Variants in HECW2 observed in about 807,000 individuals in gnomAD.
HECW2 encodes HECT, C2 and WW domain containing E3 ubiquitin protein ligase 2, also known as E3 ubiquitin-protein ligase HECW2.
HECW2 carries 61 observed loss-of-function variants against 175.2 expected under a neutral mutation model. The ratio of observed to expected loss-of-function variants is 0.35; its 90% CI spans 0.28 to 0.43. The LOEUF (loss-of-function observed/expected upper bound fraction) is 0.43, where lower values mean the gene tolerates loss of function less well. Among genes scored for constraint, HECW2 ranks in the 20% least tolerant of loss-of-function variants. The probability of loss-of-function intolerance (pLI) is 1.00; values close to 1 mark genes in which losing one functional copy is unlikely to be tolerated. For missense variants in HECW2, 1,524 were observed against 2,000.5 expected (o/e 0.76, Z 4.54); for synonymous variants, 671 against 731.0 (o/e 0.92, Z 1.32).
rs1365411966 is a variant in HECW2, at chr2:196,292,700, G to A, written c.2865C>T (p.Thr955=). The A allele has an allele frequency of 6.2e-7, 1 of 1,613,950 alleles. No homozygotes were observed. The highest frequency in any genetic ancestry group is 8.5e-7 in the Non-Finnish European group (1 of 1,179,942). The change falls in exon 14 of 29, where the codon ACC becomes ACT. Residue 955 remains threonine (T), a synonymous_variant. Transcript: ENST00000644978. ...AGTGGTGGGTGTCCCTCCGGACTTT[G>A]GTGATCATGTGCTTCAAACACGTGT... The part of the protein sequence containing the change: ...TNNTCLKHMI[T]KVRRDTHHFE...
intron 2 of HECW2, chr2:196,362,227 T>C: frequency 1.0e-6 from 1 of 984,434 alleles, no homozygotes; most frequent in Non-Finnish European, 1.2e-6. Flanking sequence ...GCCACACCCC[T>C]GTAAAGGGTA....
intron 19 of HECW2, among the ~76,000 whole-genome samples, chr2:196,243,689 C>T (rs1033073531): frequency 1.3e-5 from 2 of 152,018 alleles, no homozygotes; most frequent in Admixed American, 6.6e-5. Context: ...AAGCGATTCT[C>T]CTGCCTCAGC....
intron 1 of HECW2, among the ~76,000 whole-genome samples, chr2:196,472,085 T>C (rs1697222662): frequency 6.6e-6 from 1 of 151,806 alleles, no homozygotes; most frequent in Admixed American, 6.6e-5. Context: ...TGGGAATGAA[T>C]GAACTAGATT....
At chr2:196,265,017 G>A (rs1689453376) in intron 17 of HECW2, among the ~76,000 whole-genome samples, 1 of 152,142 alleles carries the variant, frequency 6.6e-6, no homozygotes, top group Middle Eastern at 3.4e-3. Context: ...TGATATTTTG[G>A]CCCTCAGTAA....
chr2:196,301,416 TG>T (rs972182711), intron 13 of HECW2, among the ~76,000 whole-genome samples: 1 of 152,148 alleles, frequency 6.6e-6, no homozygotes, highest in Non-Finnish European at 1.5e-5. Context: ...CTGGGTCAAG[TG>T]GTATTTCTGG....
intron 1 of HECW2, among the ~76,000 whole-genome samples, chr2:196,504,778 T>C (rs913028401): frequency 6.6e-6 from 1 of 151,188 alleles, no homozygotes; most frequent in Non-Finnish European, 1.5e-5. Flanking sequence ...AGGGGAGGAG[T>C]TTTTGAACAT....
intron 1 of HECW2, among the ~76,000 whole-genome samples, chr2:196,500,327 T>C (rs2125401132): frequency 6.6e-6 from 1 of 152,288 alleles, no homozygotes. Context: ...ATCCAGACAC[T>C]GTAAGCATTA....
chr2:196,376,140 C>A (rs1270337961), intron 2 of HECW2, among the ~76,000 whole-genome samples: 1 of 152,172 alleles, frequency 6.6e-6, no homozygotes, highest in African/African-American at 2.4e-5. Context: ...GCTTTTATTA[C>A]CCTCAAACTT....
At chr2:196,506,711 C>A (rs1224366978) in intron 1 of HECW2, among the ~76,000 whole-genome samples, 1 of 151,728 alleles carries the variant, frequency 6.6e-6, no homozygotes, top group African/African-American at 2.4e-5. Context: ...AAATGTATTA[C>A]TATCATAAAT....
intron 1 of HECW2, among the ~76,000 whole-genome samples, chr2:196,437,466 G>T (rs1695910905): frequency 6.6e-6 from 1 of 151,870 alleles, no homozygotes; most frequent in Non-Finnish European, 1.5e-5. Flanking sequence ...ACAAAAATTA[G>T]CTGGGCATGG....
Position 196,214,167 on chromosome 2 carries a change from A to T in HECW2, c.4607+1698T>A, listed in dbSNP as rs187204997. On this transcript the variant is annotated intron_variant, in intron 28 of 28. Transcript: ENST00000644978. The stretch of plus-strand genomic sequence containing the variant: ...TTTCAAATCCACCAGATAGATGAGG[A>T]AACAGAGGCTCAGAAGGATCATGCA... 3.3e-4 allele frequency among the ~76,000 whole-genome samples: 50 copies of T among 152,304 alleles called. 2 individuals carry two copies. The East Asian group carries it at 9.4e-3, about 29-fold the overall frequency.
chr2:196,275,412 T>C (rs931296696), intron 15 of HECW2, among the ~76,000 whole-genome samples: 3 of 152,244 alleles, frequency 2.0e-5, no homozygotes, highest in African/African-American at 7.2e-5. Flanking sequence ...TTCATATTTT[T>C]ATTCATTTGT....
chr2:196,349,520 CGT>C (rs59562899), intron 2 of HECW2, among the ~76,000 whole-genome samples: 2 of 150,826 alleles, frequency 1.3e-5, no homozygotes, highest in African/African-American at 4.9e-5. Flanking sequence ...AAAAGTGAAA[CGT>C]GTGTGTGTGT....
intron 1 of HECW2, among the ~76,000 whole-genome samples, chr2:196,464,192 T>C (rs1696857016): frequency 6.6e-6 from 1 of 152,168 alleles, no homozygotes; most frequent in African/African-American, 2.4e-5. Flanking sequence ...AGAAAGCATA[T>C]GCTGCCACTT....
At chr2:196,404,219 G>GT (rs1338542454) in intron 2 of HECW2, among the ~76,000 whole-genome samples, 1 of 152,110 alleles carries the variant, frequency 6.6e-6, no homozygotes, top group Non-Finnish European at 1.5e-5. Context: ...GAGACTGGGC[G>GT]TAAGTCCCAT....
intron 2 of HECW2, chr2:196,361,807 C>G: frequency 4.1e-6 from 4 of 985,294 alleles, no homozygotes; most frequent in Non-Finnish European, 4.8e-6. Context: ...TTTCCAATAT[C>G]TTACCTCATA....
At chr2:196,545,050 C>CA (rs1689365421) in intron 1 of HECW2, among the ~76,000 whole-genome samples, 1 of 152,180 alleles carries the variant, frequency 6.6e-6, no homozygotes, top group Admixed American at 6.5e-5. Context: ...TGTGATCACA[C>CA]ATACCCAAAC....
rs1471300593 is a variant in HECW2 at position 196,334,418 on chromosome 2, A to G, written c.495+6T>C. The stretch of plus-strand genomic sequence containing the variant: ...CACAAGGAAGCTGGCAGCGAGGGGC[A>G]CTCACCATCACAGCTGGGTTCTTCA... On this transcript the variant is annotated splice_donor_region_variant and intron_variant, in intron 4 of 28. Transcript: ENST00000644978. 6.2e-7 allele frequency: 1 copy of G among 1,601,232 alleles called. No homozygotes were observed.
chr2:196,556,801 A>G (rs539411460), intron 1 of HECW2, among the ~76,000 whole-genome samples: 62 of 152,328 alleles, frequency 4.1e-4, no homozygotes, highest in African/African-American at 1.3e-3. Context: ...GAAGAAAAAG[A>G]AACTGTTACA....
Sources: allele counts gnomAD v4.1 joint callset (sites outside exome capture counted in the v4.1 genomes callset), GRCh38; gene constraint gnomAD v4.1.1; transcripts MANE v1.5; gene names NCBI Gene and HGNC (gene_info 2026-07-23, HGNC 2026-07-21).